The following RAC2 variants were observed in gnomAD, a reference collection of about 807,000 sequenced individuals.
The protein encoded by RAC2 is ras-related C3 botulinum toxin substrate 2.
RAC2 carries 1 observed loss-of-function variant against 24.0 expected under a neutral mutation model. That is an observed-to-expected ratio of 0.04 (90% CI 0.01 to 0.20). The LOEUF is 0.20. RAC2 is among the 10% of genes least tolerant of loss of function. The pLI is 1.00. For missense variants in RAC2, 130 were observed against 259.1 expected (o/e 0.50, Z 3.42); for synonymous variants, 114 against 106.8 (o/e 1.07, Z -0.41).
chr22:37,231,894 T>C lies in RAC2; in HGVS notation c.288+38A>G. Reference sequence around the variant, plus strand: ...CCTCCCTCTGTCCCTCAGGGTTACCTGCCCCAGAGCCCCCAAGGCCCACCC... The same window carrying C: ...CCTCCCTCTGTCCCTCAGGGTTACCCGCCCCAGAGCCCCCAAGGCCCACCC... On this transcript the variant is annotated intron_variant, in intron 4 of 6. Transcript: ENST00000249071. The surrounding 1 kb of genome is among the most constrained non-coding windows in gnomAD (Gnocchi z 5.5). The C allele has an allele frequency of 6.5e-7, 1 of 1,548,936 alleles. No homozygotes were observed.
chr22:37,243,600 A>C (rs994946778), intron 1 of RAC2, among the ~76,000 whole-genome samples: 29 of 152,118 alleles, frequency 1.9e-4, no homozygotes, highest in Non-Finnish European at 4.0e-4. Flanking sequence ...ACAGCCACTC[A>C]GCTTATCTCA....
In RAC2 at chr22:37,244,256, T is replaced by C; in HGVS notation, c.-108A>G. 1 of 1,282,702 alleles carries C rather than the reference T, an allele frequency of 7.8e-7. No homozygotes were observed. The highest frequency in any genetic ancestry group is 1.1e-6 in the Non-Finnish European group (1 of 902,604). The allele number at this position is 1,282,702 out of a possible 1,614,324, so 79.5% of individuals were successfully genotyped here. A position where few individuals can be genotyped will look rare whatever the true frequency, so the allele number is the denominator to read the frequency against. ...TGAGGCGCCTGCTGAGGAGCAGCGG[T>C]GGTGGGGCAGGAGGAAACGGAAGGG... On this transcript the variant is annotated 5_prime_UTR_variant, in exon 1 of 7. Coordinates refer to ENST00000249071, the MANE Select transcript of RAC2 (RefSeq NM_002872.5).
At chr22:37,237,227 G>C (rs1927253799) in intron 2 of RAC2, among the ~76,000 whole-genome samples, 1 of 149,912 alleles carries the variant, frequency 6.7e-6, no homozygotes, top group Non-Finnish European at 1.5e-5. Flanking sequence ...GAGGAAGGGA[G>C]GGAGGGAAGG....
chr22:37,232,634 G>GGGACATGCA, intron 3 of RAC2, 167 bp downstream of exon 3: 1 of 657,836 alleles, frequency 1.5e-6, no homozygotes, highest in South Asian at 1.7e-5. Context: ...GGGAGTGCAA[G>GGGACATGCA]AGGAAGCCCT....
intron 2 of RAC2, among the ~76,000 whole-genome samples, chr22:37,236,440 C>A (rs1368414744): frequency 1.3e-5 from 2 of 152,226 alleles, no homozygotes; most frequent in African/African-American, 4.8e-5. Flanking sequence ...GAAATTGAGG[C>A]TTACAGAGAG....
intron 2 of RAC2, among the ~76,000 whole-genome samples, chr22:37,239,691 A>G (rs930002347): frequency 5.9e-5 from 9 of 152,214 alleles, no homozygotes; most frequent in East Asian, 3.9e-4. Context: ...GATTGGTCCA[A>G]GGTCCTTCAG....
At chr22:37,229,583 C>G in intron 5 of RAC2, among the ~76,000 whole-genome samples, 1 of 152,150 alleles carries the variant, frequency 6.6e-6, no homozygotes. Flanking sequence ...CTGGGGAGTC[C>G]AGGTGGGCAG....
At chr22:37,236,389 C>T (rs969850283) in intron 2 of RAC2, among the ~76,000 whole-genome samples, 3 of 152,190 alleles carry the variant, frequency 2.0e-5, no homozygotes, top group Non-Finnish European at 4.4e-5. Flanking sequence ...ACCTTATGCA[C>T]AGACCACCAT....
intron 5 of RAC2, among the ~76,000 whole-genome samples, chr22:37,228,166 T>C (rs1926941377): frequency 6.6e-6 from 1 of 151,972 alleles, no homozygotes; most frequent in African/African-American, 2.4e-5. Flanking sequence ...TCCTGGAGAG[T>C]ATGCGACTCA....
intron 5 of RAC2, among the ~76,000 whole-genome samples, chr22:37,228,003 A>C (rs1053922297): frequency 6.6e-6 from 1 of 152,088 alleles, no homozygotes; most frequent in Admixed American, 6.5e-5. Context: ...ACCTTCTAGA[A>C]AATTGTCTTG....
intron 1 of RAC2, among the ~76,000 whole-genome samples, chr22:37,243,136 C>A (rs1033540610): frequency 8.5e-5 from 13 of 152,190 alleles, no homozygotes; most frequent in African/African-American, 2.7e-4. Context: ...GTAGCTGGGA[C>A]TGCAGGCGCA....
chr22:37,226,626 G>A (rs1926842620), intron 6 of RAC2, 45 bp downstream of exon 6: 2 of 1,605,464 alleles, frequency 1.2e-6, no homozygotes, highest in East Asian at 2.2e-5. Flanking sequence ...CTCAGCCAGG[G>A]CCTGCTGTGT....
chr22:37,242,881 G>A (rs1325799406), intron 1 of RAC2, among the ~76,000 whole-genome samples: 1 of 152,370 alleles, frequency 6.6e-6, no homozygotes, highest in South Asian at 2.1e-4. Flanking sequence ...TGTAGAATGG[G>A]AAGGCTGGAC....
chr22:37,226,537 C>G (rs4820277), intron 6 of RAC2, 134 bp downstream of exon 6: 187,845 of 1,198,380 alleles, frequency 0.16, 17,636 homozygotes, highest in African/African-American at 0.39. Flanking sequence ...AAGTAGGCTG[C>G]GGAAACTGAG....
At chr22:37,229,244 C>T (rs1601670353) in intron 5 of RAC2, among the ~76,000 whole-genome samples, 1 of 81,918 alleles carries the variant, frequency 1.2e-5, no homozygotes, top group Non-Finnish European at 2.3e-5. Flanking sequence ...CATGCGATGG[C>T]TCATCAAGCT....
intron 2 of RAC2, among the ~76,000 whole-genome samples, chr22:37,235,558 G>A (rs1180634011): frequency 5.3e-5 from 8 of 152,192 alleles, no homozygotes; most frequent in Non-Finnish European, 1.2e-4. Flanking sequence ...GTTTGCCGCT[G>A]CACCCTGGGG....
rs996071222 is a variant in RAC2 at position 37,225,895 on chromosome 22, A to G, written c.*147T>C. On this transcript the variant is annotated 3_prime_UTR_variant, in exon 7 of 7. Coordinates refer to ENST00000249071, the MANE Select transcript of RAC2 (RefSeq NM_002872.5). ...CCTGGCCTCAGGAGGCCTCCAGTAC[A>G]GAAAAGACCATCAACGAAGCTCTGC... The G allele has an allele frequency of 1.3e-5, 2 of 152,508 alleles. No homozygotes were observed. Among genetic ancestry groups the G allele is most frequent in the Non-Finnish European group, 2.9e-5 (2 of 68,334 alleles). The allele number at this position is 152,508 out of a possible 1,614,324, so 9.4% of individuals were successfully genotyped here.
rs1161872727 is a variant in RAC2 at position 37,243,973 on chromosome 22, G to A, written c.35+141C>T. On this transcript the variant is annotated intron_variant, in intron 1 of 6. Coordinates refer to ENST00000249071, the MANE Select transcript of RAC2 (RefSeq NM_002872.5). Reference sequence around the variant, plus strand: ...CCCCGGGTGCTCCCTGTGGGCCCTCGGAGAAGGAAGCGTCCCCTCCAAGCT... The same window carrying A: ...CCCCGGGTGCTCCCTGTGGGCCCTCAGAGAAGGAAGCGTCCCCTCCAAGCT... The A allele has an allele frequency of 3.0e-5, 35 of 1,174,694 alleles. No individual in the cohort carries two copies. In the Admixed American group the frequency reaches 3.9e-4, roughly 13 times the overall value. The allele number at this position is 1,174,694 out of a possible 1,614,324, so 72.8% of individuals were successfully genotyped here.
chr22:37,237,137 C>T (rs560639482), intron 2 of RAC2, among the ~76,000 whole-genome samples: 8 of 150,570 alleles, frequency 5.3e-5, no homozygotes. Context: ...TGCAGTGAGC[C>T]GAGATCGCAC....
Sources: allele counts gnomAD v4.1 joint callset (sites outside exome capture counted in the v4.1 genomes callset), GRCh38; gene constraint gnomAD v4.1.1; non-coding constraint Gnocchi (gnomAD v3.1); transcripts MANE v1.5; gene names NCBI Gene and HGNC (gene_info 2026-07-23, HGNC 2026-07-21).